The following CAMTA1 variants were observed in gnomAD, a reference collection of about 807,000 sequenced individuals.
CAMTA1 encodes the protein calmodulin binding transcription activator 1, also known as calmodulin-binding transcription activator 1.
CAMTA1 carries 27 observed loss-of-function variants against 170.9 expected under a neutral mutation model. That is an observed-to-expected ratio of 0.16 (90% CI 0.12 to 0.22). The LOEUF is 0.22. CAMTA1 is among the 10% of genes least tolerant of loss of function. The probability of loss-of-function intolerance (pLI) is 1.00; values close to 1 mark genes in which losing one functional copy is unlikely to be tolerated. For missense variants in CAMTA1, 1,619 were observed against 2,217.2 expected (o/e 0.73, Z 5.42); for synonymous variants, 833 against 891.5 (o/e 0.93, Z 1.17).
chr1:7,366,215 C>T (rs1181520975), intron 5 of CAMTA1, among the ~76,000 whole-genome samples: 1 of 152,200 alleles, frequency 6.6e-6, no homozygotes, highest in Admixed American at 6.5e-5. Flanking sequence ...CTCCCAGGGG[C>T]AGAGGGGATG....
chr1:6,959,967 G>A (rs895548081), intron 3 of CAMTA1, among the ~76,000 whole-genome samples: 2 of 152,220 alleles, frequency 1.3e-5, no homozygotes, highest in South Asian at 2.1e-4. Flanking sequence ...TAAACACTGC[G>A]TGCCTGTTCA....
intron 4 of CAMTA1, among the ~76,000 whole-genome samples, chr1:7,172,272 C>G (rs879394491): frequency 1.3e-5 from 2 of 152,142 alleles, no homozygotes; most frequent in Non-Finnish European, 2.9e-5. Context: ...GCCTCAGCCT[C>G]CTGAGTAGCT....
chr1:6,987,940 C>T (rs1695635069), intron 3 of CAMTA1, among the ~76,000 whole-genome samples: 1 of 152,168 alleles, frequency 6.6e-6, no homozygotes, highest in African/African-American at 2.4e-5. Flanking sequence ...TGATCTCCTC[C>T]TGTAACTCTG....
Position 7,249,756 on chromosome 1 carries a change from T to C in CAMTA1, c.438+130T>C. ...GAATTTTTGTTTGCCAAGACCCTGG[T>C]TTTTGCTTTTGTTTCGTTTTTCTAC... On this transcript the variant is annotated intron_variant, in intron 5 of 22. Coordinates refer to ENST00000303635, the MANE Select transcript of CAMTA1 (RefSeq NM_015215.4). This position sits in a 1 kb window ranked among gnomAD's most constrained non-coding sequence, Gnocchi z 4.4. 8.9e-7 allele frequency: 1 copy of C among 1,126,400 alleles called. No individual in the cohort carries two copies. The highest frequency in any genetic ancestry group is 1.2e-6 in the Non-Finnish European group (1 of 810,612). 69.8% of individuals were successfully genotyped at this position (1,126,400 alleles called of 1,614,324 possible). A position where few individuals can be genotyped will look rare whatever the true frequency, so the allele number is the denominator to read the frequency against.
chr1:7,762,868 C>T (rs2096985980), intron 22 of CAMTA1, among the ~76,000 whole-genome samples: 1 of 151,906 alleles, frequency 6.6e-6, no homozygotes, highest in African/African-American at 2.4e-5. Context: ...AAAGATGACA[C>T]CTTAGAATTG....
At chr1:7,257,085 G>T (rs903808226) in intron 5 of CAMTA1, among the ~76,000 whole-genome samples, 1 of 151,456 alleles carries the variant, frequency 6.6e-6, no homozygotes, top group Admixed American at 6.6e-5. Context: ...GCGGGGGCGG[G>T]GGTTGGTTTT....
At chr1:7,521,531 C>T (rs1485051085) in intron 6 of CAMTA1, among the ~76,000 whole-genome samples, 1 of 151,670 alleles carries the variant, frequency 6.6e-6, no homozygotes, top group East Asian at 1.9e-4. Context: ...TATCCACCAC[C>T]GTTGCATGTC....
At chr1:6,873,333 T>C (rs1168534948) in intron 3 of CAMTA1, among the ~76,000 whole-genome samples, 1 of 152,184 alleles carries the variant, frequency 6.6e-6, no homozygotes, top group African/African-American at 2.4e-5. Context: ...TTGCCTTAAG[T>C]ATGTCCTTTA....
rs773929120 is a variant in CAMTA1 at position 7,216,035 on chromosome 1, A to C, written c.303-33456A>C. ...TTTATAAAGACAAGAAGTTTAATTG[A>C]CTCATGGTTCCACAGGCTTTACAGG... On this transcript the variant is annotated intron_variant, in intron 4 of 22. Coordinates refer to ENST00000303635, the MANE Select transcript of CAMTA1 (RefSeq NM_015215.4). This position sits in a 1 kb window ranked among gnomAD's most constrained non-coding sequence, Gnocchi z 4.0. Among the ~76,000 whole-genome samples, 1 of 152,158 alleles carries C rather than the reference A, an allele frequency of 6.6e-6. No individual in the cohort carries two copies. The highest frequency in any genetic ancestry group is 2.4e-5 in the African/African-American group (1 of 41,418).
At chr1:7,087,031 G>T (rs991195589) in intron 3 of CAMTA1, among the ~76,000 whole-genome samples, 3 of 152,218 alleles carry the variant, frequency 2.0e-5, no homozygotes, top group African/African-American at 7.2e-5. Flanking sequence ...GTCCTGGCCT[G>T]GCTCCGCCAT....
At chr1:7,560,978 TG>T (rs2094948833) in intron 6 of CAMTA1, among the ~76,000 whole-genome samples, 1 of 151,940 alleles carries the variant, frequency 6.6e-6, no homozygotes, top group South Asian at 2.1e-4. Context: ...AGTCCCTCAG[TG>T]GGGGTGACTC....
intron 11 of CAMTA1, chr1:7,694,369 A>T (rs1027875171): frequency 1.3e-5 from 2 of 152,192 alleles, no homozygotes; most frequent in Admixed American, 6.5e-5. Context: ...TATTGTGCAG[A>T]GCTCCAGTTT....
intron 5 of CAMTA1, among the ~76,000 whole-genome samples, chr1:7,265,195 A>G (rs60130788): frequency 0.23 from 35,725 of 152,170 alleles, 4,638 homozygotes; most frequent in East Asian, 0.36. Context: ...CATGAGCCAC[A>G]TGTGGTGGTG....
At chr1:6,976,084 G>T (rs551509188) in intron 3 of CAMTA1, among the ~76,000 whole-genome samples, 103 of 152,330 alleles carry the variant, frequency 6.8e-4, no homozygotes, top group African/African-American at 2.4e-3. Flanking sequence ...AAGCAAAGCT[G>T]TTGGAGTCAG....
chr1:6,828,383 C>T (rs989085811), intron 3 of CAMTA1, among the ~76,000 whole-genome samples: 1 of 150,180 alleles, frequency 6.7e-6, no homozygotes, highest in Non-Finnish European at 1.5e-5. Context: ...CCTCCGCCTC[C>T]CGGGTTCAAG....
In CAMTA1 at chr1:7,092,153, T is replaced by A. The variant is rs866795123; in HGVS notation, c.302+782T>A. Among the ~76,000 whole-genome samples, 4 of 152,344 alleles carry A rather than the reference T, an allele frequency of 2.6e-5. 1 individual carries two copies. The South Asian group carries it at 6.2e-4, about 24-fold the overall frequency. ...TGACAGGACCCAGGTGTTTATTAGCTGGCGGGGTGGTAGCTGGAGTGTGGT... is the reference window on the plus strand; with the variant it reads ...TGACAGGACCCAGGTGTTTATTAGCAGGCGGGGTGGTAGCTGGAGTGTGGT... On this transcript the variant is annotated intron_variant, in intron 4 of 22. Transcript: ENST00000303635. The surrounding 1 kb of genome is among the most constrained non-coding windows in gnomAD (Gnocchi z 5.0).
intron 5 of CAMTA1, among the ~76,000 whole-genome samples, chr1:7,354,003 T>C (rs967050666): frequency 2.0e-5 from 3 of 152,144 alleles, no homozygotes; most frequent in African/African-American, 7.2e-5. Flanking sequence ...AGCGAGAACA[T>C]GCAGTATTGG....
chr1:7,212,093 A>T (rs1658876480), intron 4 of CAMTA1, among the ~76,000 whole-genome samples: 1 of 152,244 alleles, frequency 6.6e-6, no homozygotes, highest in South Asian at 2.1e-4. Context: ...ACTATAGTTC[A>T]ATGTTTGTTT....
chr1:7,250,924 C>T (rs536585150), intron 5 of CAMTA1, among the ~76,000 whole-genome samples: 1 of 152,302 alleles, frequency 6.6e-6, no homozygotes, highest in South Asian at 2.1e-4. Context: ...ACGGTGACCG[C>T]TGATCGTACA....
Sources: allele counts gnomAD v4.1 joint callset (sites outside exome capture counted in the v4.1 genomes callset), GRCh38; gene constraint gnomAD v4.1.1; non-coding constraint Gnocchi (gnomAD v3.1); transcripts MANE v1.5; gene names NCBI Gene and HGNC (gene_info 2026-07-23, HGNC 2026-07-21).